DPP10: variants seen among roughly 807,000 people sequenced by gnomAD.
DPP10 encodes the protein inactive dipeptidyl peptidase 10.
In DPP10, 33 loss-of-function variants were observed where a neutral mutation model predicts 120.9. The ratio of observed to expected loss-of-function variants is 0.27; its 90% CI spans 0.21 to 0.37. DPP10 has a LOEUF of 0.37. Among genes scored for constraint, DPP10 ranks in the 10% least tolerant of loss-of-function variants. The probability of loss-of-function intolerance (pLI) is 1.00; values close to 1 mark genes in which losing one functional copy is unlikely to be tolerated. For synonymous variants in DPP10, 337 were observed against 326.1 expected, an observed-to-expected ratio of 1.03 and a Z score of -0.36; for missense variants, 816 against 942.8, an observed-to-expected ratio of 0.87 and a Z score of 1.76.
At chr2:115,750,796 A>T (rs1046388536) in intron 10 of DPP10, among the ~76,000 whole-genome samples, 1 of 152,130 alleles carries the variant, frequency 6.6e-6, no homozygotes, top group Non-Finnish European at 1.5e-5. Context: ...TTGGCATCTT[A>T]GCTAATAAAT....
chr2:114,984,552 G>C (rs911043843), intron 1 of DPP10, among the ~76,000 whole-genome samples: 1 of 152,056 alleles, frequency 6.6e-6, no homozygotes, highest in African/African-American at 2.4e-5. Flanking sequence ...AGCTACTTAG[G>C]AGGCTGACAC....
chr2:115,782,781 A>T (rs1036254249), intron 17 of DPP10, among the ~76,000 whole-genome samples: 1 of 152,046 alleles, frequency 6.6e-6, no homozygotes, highest in Non-Finnish European at 1.5e-5. Flanking sequence ...AATTATGAAA[A>T]ATGTGTTATT....
At chr2:115,276,318 T>G (rs2059920548) in intron 1 of DPP10, among the ~76,000 whole-genome samples, 1 of 152,120 alleles carries the variant, frequency 6.6e-6, no homozygotes, top group African/African-American at 2.4e-5. Context: ...AAGGATAATT[T>G]GTAAATAGCC....
At chr2:115,048,023 T>A (rs1314469904) in intron 1 of DPP10, among the ~76,000 whole-genome samples, 1 of 152,154 alleles carries the variant, frequency 6.6e-6, no homozygotes, top group Non-Finnish European at 1.5e-5. Context: ...TCATATTTTA[T>A]GATTACTGTT....
chr2:114,956,577 C>A (rs780222784), intron 1 of DPP10, among the ~76,000 whole-genome samples: 21 of 151,970 alleles, frequency 1.4e-4, no homozygotes, highest in Non-Finnish European at 2.8e-4. Flanking sequence ...TGTCATTTTT[C>A]ATGGAAAGAA....
At chr2:114,836,092 C>T (rs1035128202) in intron 1 of DPP10, among the ~76,000 whole-genome samples, 1 of 152,150 alleles carries the variant, frequency 6.6e-6, no homozygotes, top group Non-Finnish European at 1.5e-5. Flanking sequence ...CCCTAACTTT[C>T]TCCTTAACTC....
chr2:114,642,115 A>G (rs1049156537), intron 1 of DPP10, among the ~76,000 whole-genome samples: 11 of 151,940 alleles, frequency 7.2e-5, no homozygotes, highest in African/African-American at 1.5e-4. Flanking sequence ...ATCTTCTCCA[A>G]TGAGGGATAT....
chr2:114,858,288 C>T (rs1042250468), intron 1 of DPP10, among the ~76,000 whole-genome samples: 15 of 152,300 alleles, frequency 9.8e-5, no homozygotes, highest in Admixed American at 4.6e-4. Flanking sequence ...TGTGCCCCGC[C>T]GCCGCTTGGC....
At chr2:115,807,651 A>G (rs146228014) in intron 19 of DPP10, among the ~76,000 whole-genome samples, 28 of 152,274 alleles carry the variant, frequency 1.8e-4, no homozygotes, top group African/African-American at 5.8e-4. Context: ...TTGGCCGATA[A>G]TAGTTCATCA....
chr2:114,986,242 T>TC (rs1220574736), intron 1 of DPP10, among the ~76,000 whole-genome samples: 1 of 152,214 alleles, frequency 6.6e-6, no homozygotes, highest in Non-Finnish European at 1.5e-5. Context: ...AGTAAACCTA[T>TC]CCCACAAACT....
intron 1 of DPP10, among the ~76,000 whole-genome samples, chr2:115,259,457 A>G (rs964466599): frequency 6.6e-6 from 1 of 151,564 alleles, no homozygotes; most frequent in South Asian, 2.1e-4. Flanking sequence ...GCACTCCAGC[A>G]TGGGCAACAA....
chr2:115,224,283 T>C (rs1390430861), intron 1 of DPP10, among the ~76,000 whole-genome samples: 1 of 151,920 alleles, frequency 6.6e-6, no homozygotes, highest in East Asian at 1.9e-4. Context: ...AGTTAGGGGG[T>C]AAAAATTTAA....
rs1370239814 is a variant in DPP10 at position 114,676,530 on chromosome 2, C to T, written c.60+233692C>T. ...TCCAAAATACAGTGTCACAACCATA[C>T]TTATGGAACAATTGCCATTAAAGTA... On this transcript the variant is annotated intron_variant, in intron 1 of 25. Coordinates refer to ENST00000410059, the MANE Select transcript of DPP10 (RefSeq NM_020868.6). Among the ~76,000 whole-genome samples, 6 of 152,060 alleles carry T rather than the reference C, an allele frequency of 3.9e-5. No homozygotes were observed. In the East Asian group the frequency reaches 9.7e-4, roughly 25 times the overall value.
In DPP10 at chr2:115,324,728, GCTAA is replaced by G. The variant is rs1254832535; in HGVS notation, c.175+15378_175+15381del. 2.0e-5 allele frequency among the ~76,000 whole-genome samples: 3 copies of G among 152,164 alleles called. 1 individual carries two copies. In the East Asian group the frequency reaches 5.8e-4, roughly 29 times the overall value. On this transcript the variant is annotated intron_variant, in intron 2 of 25. Transcript: ENST00000410059. Reference sequence around the variant, plus strand: ...TAATTTCCCATAAGAACTTTTTGTGGCTAACTGTTGGGAGCAAGAGGCTTAGCTT... The same window carrying G: ...TAATTTCCCATAAGAACTTTTTGTGGCTGTTGGGAGCAAGAGGCTTAGCTT...
chr2:115,380,891 T>C (rs1196977432), intron 3 of DPP10, among the ~76,000 whole-genome samples: 4 of 152,224 alleles, frequency 2.6e-5, no homozygotes, highest in African/African-American at 9.6e-5. Context: ...CCCACTCTCT[T>C]CTGGCTTGTA....
chr2:115,631,999 T>C (rs746519509), intron 5 of DPP10, among the ~76,000 whole-genome samples: 4 of 152,170 alleles, frequency 2.6e-5, no homozygotes, highest in Non-Finnish European at 5.9e-5. Context: ...CTGTCTTATA[T>C]TGACAGTGGG....
Position 114,499,935 on chromosome 2 carries a change from G to A in DPP10, c.60+57097G>A, listed in dbSNP as rs989433715. 3.3e-5 allele frequency among the ~76,000 whole-genome samples: 5 copies of A among 152,228 alleles called. No homozygotes were observed. The South Asian group carries it at 6.2e-4, about 19-fold the overall frequency. On this transcript the variant is annotated intron_variant, in intron 1 of 25. Coordinates refer to ENST00000410059, the MANE Select transcript of DPP10 (RefSeq NM_020868.6). ...AACTTCTATGGGTGATCATACAATCGCATAGCTTCTGAGGAGCTAACTTTC... is the reference window on the plus strand; with the variant it reads ...AACTTCTATGGGTGATCATACAATCACATAGCTTCTGAGGAGCTAACTTTC...
chr2:114,543,788 G>T (rs1284633475), intron 1 of DPP10, among the ~76,000 whole-genome samples: 1 of 151,568 alleles, frequency 6.6e-6, no homozygotes, highest in East Asian at 1.9e-4. Context: ...AAACTGCCCA[G>T]CATCTGCTTT....
At chr2:115,072,989 G>C (rs1707493722) in intron 1 of DPP10, among the ~76,000 whole-genome samples, 1 of 152,024 alleles carries the variant, frequency 6.6e-6, no homozygotes, top group Non-Finnish European at 1.5e-5. Context: ...CACCCTGTTG[G>C]CCAGGCTGGT....
Sources: allele counts gnomAD v4.1 joint callset (sites outside exome capture counted in the v4.1 genomes callset), GRCh38; gene constraint gnomAD v4.1.1; transcripts MANE v1.5; gene names NCBI Gene and HGNC (gene_info 2026-07-23, HGNC 2026-07-21).